Variants in ZBTB16 observed in about 807,000 individuals in gnomAD.
ZBTB16 encodes zinc finger and BTB domain containing 16.
In ZBTB16, 8 loss-of-function variants were observed where a neutral mutation model predicts 56.8. The observed-to-expected ratio is 0.14, with a 90% CI of 0.08 to 0.25. The LOEUF (loss-of-function observed/expected upper bound fraction) is 0.25. Among genes scored for constraint, ZBTB16 ranks in the 10% least tolerant of loss-of-function variants. The pLI, the probability that ZBTB16 is intolerant of heterozygous loss-of-function variation, is 1.00. For synonymous variants in ZBTB16, 363 were observed against 368.5 expected (o/e 0.98, Z 0.17); for missense variants, 625 against 903.0 (o/e 0.69, Z 3.95).
intron 4 of ZBTB16, among the ~76,000 whole-genome samples, chr11:114,235,568 A>G (rs919765951): frequency 5.3e-5 from 8 of 152,016 alleles, no homozygotes; most frequent in Non-Finnish European, 1.0e-4. Flanking sequence ...CCTTCTGCCT[A>G]CTATTCCACC....
chr11:114,089,873 T>A (rs1328447644), intron 2 of ZBTB16, among the ~76,000 whole-genome samples: 1 of 151,932 alleles, frequency 6.6e-6, no homozygotes, highest in African/African-American at 2.4e-5. Flanking sequence ...GGTTCAGAGG[T>A]TTTATAGGCA....
chr11:114,096,498 G>T (rs1235631544), intron 2 of ZBTB16, among the ~76,000 whole-genome samples: 3 of 152,084 alleles, frequency 2.0e-5, no homozygotes, highest in African/African-American at 7.3e-5. Flanking sequence ...GTGCTGCCTC[G>T]TACAGTAAGT....
At chr11:114,109,135 A>G (rs961554169) in intron 2 of ZBTB16, among the ~76,000 whole-genome samples, 1 of 152,180 alleles carries the variant, frequency 6.6e-6, no homozygotes. Context: ...AGCATGGGGC[A>G]TGCCCCATCC....
At chr11:114,112,760 CTTTTT>C (rs398017637) in intron 2 of ZBTB16, among the ~76,000 whole-genome samples, 2 of 133,132 alleles carry the variant, frequency 1.5e-5, no homozygotes, top group Non-Finnish European at 1.6e-5. Context: ...AGTTCATTTT[CTTTTT>C]TTTTTTTTTT....
intron 2 of ZBTB16, among the ~76,000 whole-genome samples, chr11:114,146,867 C>A (rs11604444): frequency 1.0e-4 from 14 of 138,606 alleles, no homozygotes; most frequent in Admixed American, 2.9e-4. Context: ...AAAAAAAAAA[C>A]CAAAACCTGG....
chr11:114,216,234 G>C (rs899110313), intron 4 of ZBTB16, among the ~76,000 whole-genome samples: 21 of 152,190 alleles, frequency 1.4e-4, no homozygotes, highest in African/African-American at 5.1e-4. Flanking sequence ...TATTGGATGG[G>C]TGGGGACAAA....
intron 3 of ZBTB16, among the ~76,000 whole-genome samples, chr11:114,173,076 A>G (rs1328312264): frequency 1.3e-5 from 2 of 152,222 alleles, no homozygotes; most frequent in African/African-American, 4.8e-5. Flanking sequence ...CTTTAGATCC[A>G]CAGCCTGAGC....
At position 114,063,210 on chromosome 11, in the gene ZBTB16, G is replaced by A. The variant is rs2137650495; in HGVS notation, c.-90-1G>A. ...GCTTCTTCCCCTCTTCTTTCTCCTAGCCTCCTCTATTGGCCCAGGAAGCCC... is the reference window on the plus strand; with the variant it reads ...GCTTCTTCCCCTCTTCTTTCTCCTAACCTCCTCTATTGGCCCAGGAAGCCC... On this transcript the variant is annotated splice_acceptor_variant, in intron 1 of 6. Coordinates refer to ENST00000335953, the MANE Select transcript of ZBTB16 (RefSeq NM_006006.6). LOFTEE classifies it low-confidence loss of function (5UTR_SPLICE). The surrounding 1 kb of genome is among the most constrained non-coding windows in gnomAD (Gnocchi z 6.5). 7 of 1,409,162 alleles carry A rather than the reference G, an allele frequency of 5.0e-6. No individual in the cohort carries two copies. In the South Asian group the frequency reaches 8.5e-5, roughly 17 times the overall value. The allele number at this position is 1,409,162 out of a possible 1,614,324, so 87.3% of individuals were successfully genotyped here. A position where few individuals can be genotyped will look rare whatever the true frequency, so the allele number is the denominator to read the frequency against.
intron 2 of ZBTB16, among the ~76,000 whole-genome samples, chr11:114,085,114 G>T (rs1023579840): frequency 6.6e-6 from 1 of 152,296 alleles, no homozygotes; most frequent in Admixed American, 6.5e-5. Context: ...TTTTTAATTT[G>T]CTGGTTTATC....
At chr11:114,233,489 G>A (rs919828349) in intron 4 of ZBTB16, among the ~76,000 whole-genome samples, 13 of 152,068 alleles carry the variant, frequency 8.5e-5, no homozygotes, top group Admixed American at 2.0e-4. Context: ...AAAGGGCAAC[G>A]CAGCGTAGGA....
At chr11:114,119,261 T>G (rs1941269605) in intron 2 of ZBTB16, among the ~76,000 whole-genome samples, 1 of 69,198 alleles carries the variant, frequency 1.4e-5, no homozygotes. Context: ...TGAAACTCTG[T>G]CTCAAAAAAA....
intron 3 of ZBTB16, among the ~76,000 whole-genome samples, chr11:114,181,284 CT>C (rs1943243311): frequency 2.6e-5 from 4 of 152,224 alleles, no homozygotes; most frequent in Admixed American, 2.6e-4. Context: ...GGATGGAGCA[CT>C]TTCCCCACCT....
chr11:114,147,382 G>A (rs1278918376), intron 2 of ZBTB16, among the ~76,000 whole-genome samples: 1 of 152,218 alleles, frequency 6.6e-6, no homozygotes, highest in Non-Finnish European at 1.5e-5. Flanking sequence ...GGAAAAGTCT[G>A]TAGCTTTTTG....
chr11:114,167,216 GTTTTTTTTTTTTTTGGTTT>G (rs1292147899), intron 3 of ZBTB16, among the ~76,000 whole-genome samples: 1 of 79,968 alleles, frequency 1.3e-5, no homozygotes, highest in South Asian at 5.6e-4. Flanking sequence ...TGGATTTGTG[GTTTTTTTTTTTTTTGGTTT>G]TTTTTTTTTT....
chr11:114,230,645 G>GGGGGA (rs1375612792), intron 4 of ZBTB16, among the ~76,000 whole-genome samples: 2 of 114,418 alleles, frequency 1.7e-5, no homozygotes, highest in African/African-American at 3.8e-5. Context: ...GGGGGGGCGG[G>GGGGGA]AAGGAGAGGA....
chr11:114,221,751 G>A (rs1944235564), intron 4 of ZBTB16, among the ~76,000 whole-genome samples: 1 of 152,186 alleles, frequency 6.6e-6, no homozygotes, highest in African/African-American at 2.4e-5. Flanking sequence ...CCTGTCAGAG[G>A]GAGGCAGTCT....
rs184930404 is a variant in ZBTB16, at chr11:114,099,196, G to A, written c.1268+34628G>A. Among the ~76,000 whole-genome samples the A allele has an allele frequency of 3.5e-3, 526 of 152,250 alleles. 5 individuals carry two copies. The highest frequency in any genetic ancestry group is 0.012 in the African/African-American group (496 of 41,550). ...CTCCTAAAACAACCGTGATCTTACT[G>A]GGGGAGAGAGAGGTGCTACAACAGA... On this transcript the variant is annotated intron_variant, in intron 2 of 6. Transcript: ENST00000335953.
At chr11:114,076,146 C>A (rs1001527015) in intron 2 of ZBTB16, among the ~76,000 whole-genome samples, 2 of 152,108 alleles carry the variant, frequency 1.3e-5, no homozygotes, top group African/African-American at 4.8e-5. Flanking sequence ...AAAGAGGGGC[C>A]GCTGGGGGAA....
chr11:114,223,399 T>A (rs1048714490), intron 4 of ZBTB16, among the ~76,000 whole-genome samples: 2 of 152,142 alleles, frequency 1.3e-5, no homozygotes, highest in African/African-American at 4.8e-5. Flanking sequence ...AGTGGGTGGG[T>A]GGCTTGAGAG....
Sources: allele counts gnomAD v4.1 joint callset (sites outside exome capture counted in the v4.1 genomes callset), GRCh38; gene constraint gnomAD v4.1.1; non-coding constraint Gnocchi (gnomAD v3.1); transcripts MANE v1.5; gene names NCBI Gene and HGNC (gene_info 2026-07-23, HGNC 2026-07-21).